Variants in DAB2IP observed in about 807,000 individuals in gnomAD.
DAB2IP encodes DAB2 interacting protein.
Under a neutral mutation model 107.2 loss-of-function variants are expected in DAB2IP, and 28 were observed. That is an observed-to-expected ratio of 0.26 (90% CI 0.19 to 0.36). The LOEUF is 0.36. Ranked by LOEUF, DAB2IP falls within the 10% of genes least tolerant of loss-of-function variation. The probability of loss-of-function intolerance (pLI) is 1.00; values close to 1 mark genes in which losing one functional copy is unlikely to be tolerated. For synonymous variants in DAB2IP, 755 were observed against 706.4 expected (o/e 1.07, Z -1.09); for missense variants, 1,400 against 1,644.7 (o/e 0.85, Z 2.57).
intron 2 of DAB2IP, 58 bp downstream of exon 2, chr9:121,678,839 G>T (rs1828420736): frequency 6.8e-7 from 1 of 1,462,542 alleles, no homozygotes; most frequent in Non-Finnish European, 9.2e-7. Context: ...ACCTCGCCCG[G>T]GGTGCTGCTC....
At chr9:121,659,987 A>G (rs1402502596) in intron 1 of DAB2IP, among the ~76,000 whole-genome samples, 1 of 151,890 alleles carries the variant, frequency 6.6e-6, no homozygotes, top group Non-Finnish European at 1.5e-5. Flanking sequence ...CAGCAGATAT[A>G]GCCAGCCCCC....
chr9:121,581,049 C>T (rs1032579014), intron 1 of DAB2IP, among the ~76,000 whole-genome samples: 7 of 152,154 alleles, frequency 4.6e-5, no homozygotes, highest in African/African-American at 1.7e-4. Context: ...TTGGGCTTTA[C>T]CTTGCACTGG....
chr9:121,596,447 C>A (rs1276732634), intron 1 of DAB2IP, among the ~76,000 whole-genome samples: 1 of 152,086 alleles, frequency 6.6e-6, no homozygotes, highest in African/African-American at 2.4e-5. Context: ...CACAGGAGTT[C>A]GAGGCCGCAG....
Position 121,641,786 on chromosome 9 carries a change from GC to G in DAB2IP, c.41-36890del, listed in dbSNP as rs1832293922. ...AGCCAGCCTGCCTGCCTGCCTGCCTGCCTGCCTGCCTACCTTCCTTCTTTCC... is the reference window on the plus strand; with the variant it reads ...AGCCAGCCTGCCTGCCTGCCTGCCTGCTGCCTGCCTACCTTCCTTCTTTCC... On this transcript the variant is annotated intron_variant, in intron 1 of 16. Transcript: ENST00000259371. Among the ~76,000 whole-genome samples, 58 of 151,928 alleles carry G rather than the reference GC, an allele frequency of 3.8e-4. No homozygotes were observed. The South Asian group carries it at 0.011, about 30-fold the overall frequency.
chr9:121,678,915 T>A, intron 2 of DAB2IP, 134 bp downstream of exon 2: 1 of 829,262 alleles, frequency 1.2e-6, no homozygotes, highest in Non-Finnish European at 1.7e-6. Flanking sequence ...TCCCTTGCTC[T>A]AGGTATCCGA....
In DAB2IP at chr9:121,573,447, T is replaced by C. The variant is rs182560110; in HGVS notation, c.40+6219T>C. On this transcript the variant is annotated intron_variant, in intron 1 of 16. Transcript: ENST00000259371. ...TCGCCCAGTTTAGAGTGCAGTAGCATGATCTTGGCTCACTGCAACCTCCAC... is the reference window on the plus strand; with the variant it reads ...TCGCCCAGTTTAGAGTGCAGTAGCACGATCTTGGCTCACTGCAACCTCCAC... 4.0e-5 allele frequency among the ~76,000 whole-genome samples: 6 copies of C among 151,614 alleles called. No homozygotes were observed. The East Asian group carries it at 7.8e-4, about 20-fold the overall frequency.
At chr9:121,712,156 G>A (rs768275945) in intron 3 of DAB2IP, among the ~76,000 whole-genome samples, 5 of 152,124 alleles carry the variant, frequency 3.3e-5, no homozygotes, top group Non-Finnish European at 5.9e-5. Flanking sequence ...AGAGGAGAGG[G>A]CACTGGGTTG....
chr9:121,739,309 G>A (rs575039546), intron 3 of DAB2IP, among the ~76,000 whole-genome samples: 2 of 152,344 alleles, frequency 1.3e-5, no homozygotes, highest in African/African-American at 4.8e-5. Flanking sequence ...GTGTGTGGTG[G>A]GGGGCGTTGG....
chr9:121,588,869 G>A (rs1830366058), intron 1 of DAB2IP, among the ~76,000 whole-genome samples: 1 of 151,752 alleles, frequency 6.6e-6, no homozygotes, highest in South Asian at 2.1e-4. Flanking sequence ...CAACCCCCAA[G>A]AGCTAAGCAC....
chr9:121,585,474 A>G (rs1043579252), intron 1 of DAB2IP, among the ~76,000 whole-genome samples: 1 of 152,230 alleles, frequency 6.6e-6, no homozygotes, highest in African/African-American at 2.4e-5. Context: ...ACAGGGCTGC[A>G]CGAGGGTTTG....
chr9:121,657,308 A>G (rs1833009203), intron 1 of DAB2IP, among the ~76,000 whole-genome samples: 1 of 152,234 alleles, frequency 6.6e-6, no homozygotes, highest in Non-Finnish European at 1.5e-5. Flanking sequence ...AGGTCCTCGA[A>G]GGAGGCCACA....
chr9:121,573,967 C>G (rs1234226819), intron 1 of DAB2IP, among the ~76,000 whole-genome samples: 2 of 152,094 alleles, frequency 1.3e-5, no homozygotes, highest in Non-Finnish European at 2.9e-5. Flanking sequence ...AGAGATGTGG[C>G]AGGAGCCATG....
chr9:121,574,099 G>A (rs1275896048), intron 1 of DAB2IP, among the ~76,000 whole-genome samples: 1 of 152,170 alleles, frequency 6.6e-6, no homozygotes, highest in Non-Finnish European at 1.5e-5. Context: ...ATGACTCCCT[G>A]GGCCTTCCTT....
chr9:121,672,218 G>A (rs576324341), intron 1 of DAB2IP, among the ~76,000 whole-genome samples: 1 of 152,260 alleles, frequency 6.6e-6, no homozygotes, highest in Non-Finnish European at 1.5e-5. Context: ...CCCGATCACT[G>A]CCGAGGACAC....
At chr9:121,759,473 G>A (rs527496112) in intron 5 of DAB2IP, among the ~76,000 whole-genome samples, 2 of 152,316 alleles carry the variant, frequency 1.3e-5, no homozygotes, top group South Asian at 2.1e-4. Context: ...CCGACTTGAG[G>A]GCTTGACCAA....
chr9:121,620,068 T>C (rs546595006), intron 1 of DAB2IP, among the ~76,000 whole-genome samples: 1 of 152,324 alleles, frequency 6.6e-6, no homozygotes, highest in South Asian at 2.1e-4. Flanking sequence ...AAATCACTTT[T>C]AGTGGTCATT....
intron 12 of DAB2IP, 35 bp downstream of exon 12, chr9:121,773,530 C>A (rs369206639): frequency 2.8e-6 from 4 of 1,442,412 alleles, no homozygotes; most frequent in Non-Finnish European, 2.7e-6. Flanking sequence ...GGGCTGGGCA[C>A]TTGGGCCCAG....
intron 9 of DAB2IP, among the ~76,000 whole-genome samples, chr9:121,768,166 C>T (rs548203165): frequency 5.9e-5 from 9 of 152,244 alleles, no homozygotes; most frequent in East Asian, 1.9e-4. Flanking sequence ...GAGGAAAAGC[C>T]GAAGGACACT....
Position 121,772,495 on chromosome 9 carries a change from A to C in DAB2IP, c.2079-112A>C, listed in dbSNP as rs1588001220. 1 of 1,213,932 alleles carries C rather than the reference A, an allele frequency of 8.2e-7. No individual in the cohort carries two copies. Among genetic ancestry groups the C allele is most frequent in the Admixed American group, 2.1e-5 (1 of 47,694 alleles). The allele number at this position is 1,213,932 out of a possible 1,614,324, so 75.2% of individuals were successfully genotyped here. A position where few individuals can be genotyped will look rare whatever the true frequency, so the allele number is the denominator to read the frequency against. Reference sequence around the variant, plus strand: ...GCATCCATCTCCCCAGCGCTGGCTCAGGCTGCCAGGCCCCGGCAGGTTGGC... The same window carrying C: ...GCATCCATCTCCCCAGCGCTGGCTCCGGCTGCCAGGCCCCGGCAGGTTGGC... On this transcript the variant is annotated intron_variant, in intron 11 of 15. Coordinates refer to ENST00000408936, the Ensembl canonical transcript of DAB2IP. This position sits in a 1 kb window ranked among gnomAD's most constrained non-coding sequence, Gnocchi z 4.7.
Sources: allele counts gnomAD v4.1 joint callset (sites outside exome capture counted in the v4.1 genomes callset), GRCh38; gene constraint gnomAD v4.1.1; non-coding constraint Gnocchi (gnomAD v3.1); transcripts MANE v1.5; gene names NCBI Gene and HGNC (gene_info 2026-07-23, HGNC 2026-07-21).